Variants in P2RY8 observed in about 807,000 individuals in gnomAD.
P2RY8 encodes the protein P2Y receptor family member 8, also known as S-geranylgeranyl-glutathione receptor P2RY8.
In P2RY8, 6 loss-of-function variants were observed where a neutral mutation model predicts 10.0. That is an observed-to-expected ratio of 0.60 (90% confidence interval 0.33 to 1.19). P2RY8 has a LOEUF of 1.19. Ranked by LOEUF, P2RY8 falls within the 50% of genes most tolerant of loss-of-function variation. P2RY8 has a pLI of 0.04. For synonymous variants in P2RY8, 276 were observed against 252.5 expected (o/e 1.09, Z -0.88); for missense variants, 456 against 542.0 (o/e 0.84, Z 1.58).
At chrX:1,515,971 T>G (rs1368794462) in intron 1 of P2RY8, among the ~76,000 whole-genome samples, 21 of 112,368 alleles carry the variant, frequency 1.9e-4, no homozygotes, top group South Asian at 3.5e-4. Context: ...TCACCTGAGG[T>G]CAGGAGTTCG....
At chrX:1,467,241 C>T (rs1288259579) in intron 1 of P2RY8, among the ~76,000 whole-genome samples, 2 of 152,180 alleles carry the variant, frequency 1.3e-5, no homozygotes, top group African/African-American at 4.8e-5. Context: ...GTCTTTCCAG[C>T]TTTTAACACC....
chrX:1,518,859 A>G (rs1281601601), intron 1 of P2RY8, among the ~76,000 whole-genome samples: 3 of 151,968 alleles, frequency 2.0e-5, no homozygotes, highest in Admixed American at 1.3e-4. Flanking sequence ...AATTTCCAAT[A>G]CTTCCATTAA....
chrX:1,503,073 A>G (rs2092195230), intron 1 of P2RY8, among the ~76,000 whole-genome samples: 1 of 151,832 alleles, frequency 6.6e-6, no homozygotes, highest in African/African-American at 2.4e-5. Context: ...CCTAAATCCA[A>G]TGACAGGTGC....
At chrX:1,470,150 G>A (rs1312636189) in intron 1 of P2RY8, among the ~76,000 whole-genome samples, 1 of 152,090 alleles carries the variant, frequency 6.6e-6, no homozygotes, top group African/African-American at 2.4e-5. Flanking sequence ...CCTGAGGTCA[G>A]GAGTTCGAGA....
chrX:1,527,163 G>A (rs1157636112), intron 1 of P2RY8, among the ~76,000 whole-genome samples: 1 of 152,090 alleles, frequency 6.6e-6, no homozygotes, highest in Non-Finnish European at 1.5e-5. Flanking sequence ...CCAAAGTGCT[G>A]GGATTACAGG....
At chrX:1,499,722 G>A (rs2092155635) in intron 1 of P2RY8, among the ~76,000 whole-genome samples, 1 of 152,010 alleles carries the variant, frequency 6.6e-6, no homozygotes, top group Non-Finnish European at 1.5e-5. Context: ...CAAACAACCT[G>A]ACCAAAACTT....
intron 1 of P2RY8, among the ~76,000 whole-genome samples, chrX:1,511,997 C>T (rs1301985865): frequency 2.0e-5 from 3 of 152,236 alleles, no homozygotes; most frequent in Admixed American, 6.5e-5. Context: ...GTTCCTCTGC[C>T]TTTTTTTCCT....
At chrX:1,533,745 T>G (rs2092500591) in intron 1 of P2RY8, among the ~76,000 whole-genome samples, 1 of 124,136 alleles carries the variant, frequency 8.1e-6, no homozygotes, top group Non-Finnish European at 1.6e-5. Flanking sequence ...TCATATATTA[T>G]TTATTATTTA....
chrX:1,481,614 C>CAGCTTTGG (rs2091936483), intron 1 of P2RY8, among the ~76,000 whole-genome samples: 1 of 151,872 alleles, frequency 6.6e-6, no homozygotes, highest in Non-Finnish European at 1.5e-5. Context: ...TAGGAGAGTC[C>CAGCTTTGG]AGCTTTGGGA....
intron 1 of P2RY8, among the ~76,000 whole-genome samples, chrX:1,513,408 T>C (rs2092314725): frequency 6.6e-6 from 1 of 152,122 alleles, no homozygotes; most frequent in South Asian, 2.1e-4. Context: ...ATCCTCCCTG[T>C]GGAGGCTCTA....
rs767597806 is a variant in P2RY8 at position 1,490,876 on chromosome X, G to A, written c.-24-24294C>T. On this transcript the variant is annotated intron_variant, in intron 1 of 1. Transcript: ENST00000381297. ...AGATTCACTTCTGCAAATGTAGAGA[G>A]AATGAATGAATGATACCCAGATATT... 9.3e-5 allele frequency among the ~76,000 whole-genome samples: 14 copies of A among 150,228 alleles called. No homozygotes were observed. In the South Asian group the frequency reaches 2.6e-3, roughly 27 times the overall value.
At chrX:1,510,310 G>A (rs757716350) in intron 1 of P2RY8, among the ~76,000 whole-genome samples, 1 of 152,258 alleles carries the variant, frequency 6.6e-6, no homozygotes, top group African/African-American at 2.4e-5. Context: ...GTAGCTGCGA[G>A]GAACACCACC....
Position 1,463,661 on chromosome X carries a change from G to C in P2RY8, c.*1818C>G, listed in dbSNP as rs1285767469. On this transcript the variant is annotated 3_prime_UTR_variant, in exon 2 of 2. Transcript: ENST00000381297. ...CTTTAAAACAAGACATGTCTTTCTG[G>C]GGCAACTGTTTAGTGCACTCTGCAA... is the stretch of plus-strand genomic sequence containing the variant. 3.5e-5 allele frequency: 8 copies of C among 229,450 alleles called. No individual in the cohort carries two copies. Among genetic ancestry groups the C allele is most frequent in the East Asian group, 3.1e-4 (5 of 16,302 alleles). 14.2% of individuals were successfully genotyped at this position (229,450 alleles called of 1,614,324 possible).
rs756421446 is a variant in P2RY8, at chrX:1,526,539, C to G, written c.-25+10382G>C. Among the ~76,000 whole-genome samples the G allele has an allele frequency of 3.9e-5, 6 of 152,048 alleles. No homozygotes were observed. The South Asian group carries it at 1.2e-3, about 32-fold the overall frequency. ...ATGCATGGATGGATGGATGCATCCACCACTCATCCATCCAAAACTCACTCA... is the reference window on the plus strand; with the variant it reads ...ATGCATGGATGGATGGATGCATCCAGCACTCATCCATCCAAAACTCACTCA... On this transcript the variant is annotated intron_variant, in intron 1 of 1. Transcript: ENST00000381297.
intron 1 of P2RY8, among the ~76,000 whole-genome samples, chrX:1,490,497 TC>T (rs1476307699): frequency 4.7e-5 from 6 of 128,792 alleles, no homozygotes; most frequent in African/African-American, 1.8e-4. Flanking sequence ...ATGAATGACA[TC>T]CAGGGATTCT....
intron 1 of P2RY8, among the ~76,000 whole-genome samples, chrX:1,504,312 T>G (rs1179969384): frequency 1.7e-5 from 1 of 58,602 alleles, no homozygotes; most frequent in East Asian, 3.9e-4. Context: ...CAAGACTCTG[T>G]GTCAAAAAAA....
intron 1 of P2RY8, among the ~76,000 whole-genome samples, chrX:1,486,039 T>C (rs1301764410): frequency 6.6e-6 from 1 of 152,040 alleles, no homozygotes; most frequent in African/African-American, 2.4e-5. Flanking sequence ...GCCAACATGG[T>C]GAAACCCTGT....
intron 1 of P2RY8, among the ~76,000 whole-genome samples, chrX:1,471,558 C>T (rs2091787860): frequency 6.6e-6 from 1 of 151,750 alleles, no homozygotes; most frequent in African/African-American, 2.4e-5. Flanking sequence ...CTGCCCGCCT[C>T]GGCCTCCCAA....
Position 1,505,875 on chromosome X carries a change from CCT to C in P2RY8, c.-25+31044_-25+31045del, listed in dbSNP as rs200679573. The stretch of plus-strand genomic sequence containing the variant: ...TGCAAGTAGAGTTTCCATTTCTACC[CCT>C]GTGTAAAATTCCTTGAGTATTGCAT... On this transcript the variant is annotated intron_variant, in intron 1 of 1. Transcript: ENST00000381297. Among the ~76,000 whole-genome samples, 1,178 of 152,220 alleles carry C rather than the reference CCT, an allele frequency of 7.7e-3. 20 individuals are homozygous for C. The highest frequency in any genetic ancestry group is 0.027 in the African/African-American group (1,131 of 41,528).
Sources: allele counts gnomAD v4.1 joint callset (sites outside exome capture counted in the v4.1 genomes callset), GRCh38; gene constraint gnomAD v4.1.1; transcripts MANE v1.5; gene names NCBI Gene and HGNC (gene_info 2026-07-23, HGNC 2026-07-21).